The following DENND1A variants were observed in gnomAD, a reference collection of about 807,000 sequenced individuals.
DENND1A encodes DENN domain-containing protein 1A.
A neutral mutation model predicts 113.7 loss-of-function variants in DENND1A; 51 were observed. The ratio of observed to expected loss-of-function variants is 0.45; its 90% confidence interval spans 0.36 to 0.57. The LOEUF is 0.57. Among genes scored for constraint, DENND1A ranks in the 20% least tolerant of loss-of-function variants. The pLI is 0.00. For missense variants in DENND1A, 1,258 were observed against 1,395.9 expected (o/e 0.90, Z 1.57); for synonymous variants, 565 against 570.8 (o/e 0.99, Z 0.14).
intron 18 of DENND1A, among the ~76,000 whole-genome samples, chr9:123,443,132 A>C (rs2047052031): frequency 6.6e-6 from 1 of 152,180 alleles, no homozygotes; most frequent in South Asian, 2.1e-4. Context: ...AACTTACCCA[A>C]AGCCACATAG....
At chr9:123,760,080 ACT>A (rs2070909130) in intron 4 of DENND1A, among the ~76,000 whole-genome samples, 4 of 152,248 alleles carry the variant, frequency 2.6e-5, no homozygotes, top group Admixed American at 2.0e-4. Flanking sequence ...AGAATTCAAC[ACT>A]GAGTTATTCA....
intron 5 of DENND1A, among the ~76,000 whole-genome samples, chr9:123,678,334 T>C (rs1172473256): frequency 1.3e-5 from 2 of 152,190 alleles, no homozygotes; most frequent in Admixed American, 6.5e-5. Context: ...TATGGAATTG[T>C]TGAAAAGTAT....
At chr9:123,765,353 A>G (rs1299846045) in intron 4 of DENND1A, among the ~76,000 whole-genome samples, 1 of 152,208 alleles carries the variant, frequency 6.6e-6, no homozygotes, top group Non-Finnish European at 1.5e-5. Flanking sequence ...GCATGAGGAT[A>G]ATGGTAACCT....
intron 3 of DENND1A, among the ~76,000 whole-genome samples, chr9:123,773,726 TGACA>T (rs1310799632): frequency 1.3e-5 from 2 of 152,118 alleles, no homozygotes; most frequent in African/African-American, 4.8e-5. Context: ...TGAAAACAAC[TGACA>T]GTCAGACACA....
intron 13 of DENND1A, among the ~76,000 whole-genome samples, chr9:123,483,950 T>G (rs1031037358): frequency 3.9e-5 from 6 of 152,232 alleles, no homozygotes; most frequent in African/African-American, 1.4e-4. Flanking sequence ...TTTAGTCTCC[T>G]AGGACTTGTA....
chr9:123,817,668 T>C (rs1329247795), intron 2 of DENND1A, among the ~76,000 whole-genome samples: 1 of 152,206 alleles, frequency 6.6e-6, no homozygotes, highest in Non-Finnish European at 1.5e-5. Flanking sequence ...AGGTATTACA[T>C]TATAAACATC....
intron 5 of DENND1A, among the ~76,000 whole-genome samples, chr9:123,709,207 A>T (rs1341401969): frequency 6.6e-6 from 1 of 152,092 alleles, no homozygotes; most frequent in Non-Finnish European, 1.5e-5. Flanking sequence ...AGTTTAGCAG[A>T]CTCTGTAACT....
At chr9:123,553,380 C>T (rs981315175) in intron 13 of DENND1A, among the ~76,000 whole-genome samples, 4 of 145,626 alleles carry the variant, frequency 2.7e-5, no homozygotes, top group African/African-American at 1.0e-4. Flanking sequence ...GGGGCCTGGA[C>T]ATTTGCCTTT....
intron 5 of DENND1A, among the ~76,000 whole-genome samples, chr9:123,721,160 T>C (rs2067307470): frequency 6.6e-6 from 1 of 152,222 alleles, no homozygotes; most frequent in Non-Finnish European, 1.5e-5. Context: ...AAAATGATTT[T>C]CTAACACACA....
At chr9:123,667,816 C>A (rs2063562803) in intron 7 of DENND1A, among the ~76,000 whole-genome samples, 1 of 152,000 alleles carries the variant, frequency 6.6e-6, no homozygotes, top group Admixed American at 6.6e-5. Context: ...TAAAATGTGG[C>A]CAAAATCTGC....
intron 5 of DENND1A, among the ~76,000 whole-genome samples, chr9:123,734,094 A>G (rs1380602791): frequency 2.6e-5 from 4 of 152,230 alleles, no homozygotes; most frequent in African/African-American, 4.8e-5. Flanking sequence ...TCAGTCTCCC[A>G]AGTAGCTGAG....
chr9:123,613,553 T>C (rs943713480), intron 10 of DENND1A, among the ~76,000 whole-genome samples: 8 of 152,236 alleles, frequency 5.3e-5, no homozygotes, highest in Admixed American at 4.6e-4. Context: ...GCTTCAGTAA[T>C]AGCAAATGTA....
chr9:123,572,297 G>C (rs1414945979), intron 12 of DENND1A, among the ~76,000 whole-genome samples: 2 of 152,122 alleles, frequency 1.3e-5, no homozygotes, highest in African/African-American at 4.8e-5. Context: ...CTTGATTGTG[G>C]AGTAGCCTTC....
chr9:123,572,829 A>ACG (rs1375561542), intron 12 of DENND1A, among the ~76,000 whole-genome samples: 1 of 151,896 alleles, frequency 6.6e-6, no homozygotes, highest in Non-Finnish European at 1.5e-5. Flanking sequence ...TTTTTTATTT[A>ACG]TGATGTGTGC....
At chr9:123,807,163 A>G (rs2132356895) in intron 2 of DENND1A, among the ~76,000 whole-genome samples, 1 of 152,320 alleles carries the variant, frequency 6.6e-6, no homozygotes, top group South Asian at 2.1e-4. Context: ...AATTTAACTC[A>G]TCAAAATATC....
At chr9:123,533,361 C>G (rs1266676225) in intron 13 of DENND1A, among the ~76,000 whole-genome samples, 1 of 152,250 alleles carries the variant, frequency 6.6e-6, no homozygotes, top group Non-Finnish European at 1.5e-5. Flanking sequence ...CATTCGCCCA[C>G]TCTCTTTAGC....
At chr9:123,845,393 A>G (rs1323715348) in intron 2 of DENND1A, among the ~76,000 whole-genome samples, 1 of 152,028 alleles carries the variant, frequency 6.6e-6, no homozygotes, top group East Asian at 1.9e-4. Context: ...GGCTGGGGAT[A>G]CTGGTTCATG....
At chr9:123,618,753 G>T (rs2060785846) in intron 10 of DENND1A, among the ~76,000 whole-genome samples, 1 of 152,172 alleles carries the variant, frequency 6.6e-6, no homozygotes, top group African/African-American at 2.4e-5. Context: ...GAAAGTCTCA[G>T]TAACGCTGGG....
Position 123,403,478 on chromosome 9 carries a change from G to A in DENND1A, c.1555C>T (p.Arg519Cys), listed in dbSNP as rs138578063. 1.9e-5 allele frequency: 30 copies of A among 1,614,128 alleles called. No individual in the cohort carries two copies. In the African/African-American group the frequency reaches 2.5e-4, roughly 14 times the overall value. ...IQRSRPVRPP[R>C]PHVVKRPKSN... ...TTTGGTCTCTTAACAACATGTGGACGAGGTGGGCGCACCTAGAGGAGGTAC... is the reference window on the plus strand; with the variant it reads ...TTTGGTCTCTTAACAACATGTGGACAAGGTGGGCGCACCTAGAGGAGGTAC... Residue 519 changes from arginine to cysteine, a missense_variant, in exon 21 of 24, where the codon CGT (arginine) becomes TGT (cysteine). Around this residue, in one of 2 missense-constraint regions of DENND1A, gnomAD observed 1,159 missense variants for 1,231.7 expected, o/e 0.94. Transcript: ENST00000394215.
Sources: allele counts gnomAD v4.1 joint callset (sites outside exome capture counted in the v4.1 genomes callset), GRCh38; gene constraint gnomAD v4.1.1; regional missense constraint gnomAD v4.1.1; transcripts MANE v1.5; gene names NCBI Gene and HGNC (gene_info 2026-07-23, HGNC 2026-07-21).